Variants in SSBP4 observed in about 807,000 individuals in gnomAD.
SSBP4 encodes single-stranded DNA-binding protein 4.
SSBP4 carries 33 observed loss-of-function variants against 64.6 expected under a neutral mutation model. That is an observed-to-expected ratio of 0.51 (90% confidence interval 0.39 to 0.68). The LOEUF is 0.68. Among genes scored for constraint, SSBP4 ranks in the 30% least tolerant of loss-of-function variants. The pLI, the probability that SSBP4 is intolerant of heterozygous loss-of-function variation, is 0.00. For synonymous variants in SSBP4, 243 were observed against 224.0 expected, an observed-to-expected ratio of 1.08 and a Z score of -0.76; for missense variants, 583 against 566.8, an observed-to-expected ratio of 1.03 and a Z score of -0.29.
In SSBP4 at chr19:18,423,421, C is replaced by T. The variant is rs1214697624; in HGVS notation, c.59+3714C>T. ...ACTTTGCCAAGAAGCTGCCAGAGGC[C>T]TGGCCTTTAGGGTTGGCAGAGGGGA... On this transcript the variant is annotated intron_variant, in intron 1 of 17. Transcript: ENST00000270061. This position sits in a 1 kb window ranked among gnomAD's most constrained non-coding sequence, Gnocchi z 4.0. Among the ~76,000 whole-genome samples the T allele has an allele frequency of 6.6e-6, 1 of 152,094 alleles. No homozygotes were observed. Among genetic ancestry groups the T allele is most frequent in the Non-Finnish European group, 1.5e-5 (1 of 68,026 alleles).
intron 5 of SSBP4, among the ~76,000 whole-genome samples, 159 bp from the exon 6 acceptor site, chr19:18,431,192 TCC>T (rs1973343010): frequency 1.9e-5 from 1 of 52,026 alleles, no homozygotes; most frequent in African/African-American, 2.1e-4. Flanking sequence ...GCCACAGTGG[TCC>T]TGGTGACCAC....
At chr19:18,417,814 T>C (rs2144657742), upstream of SSBP4, among the ~76,000 whole-genome samples, 1 of 152,010 alleles carries the variant, frequency 6.6e-6, no homozygotes, top group East Asian at 1.9e-4. The surrounding 1 kb of genome is among the most constrained non-coding windows in gnomAD (Gnocchi z 5.4). Context: ...TGCCCTTCCC[T>C]TCCTCTCCGC....
chr19:18,431,260 G>A lies in SSBP4; in HGVS notation c.370-93G>A, dbSNP rs529113394. 124 of 613,492 alleles carry A rather than the reference G, an allele frequency of 2.0e-4. 1 individual carries two copies. Among genetic ancestry groups the A allele is most frequent in the African/African-American group, 6.9e-4 (37 of 53,266 alleles). 38.0% of individuals were successfully genotyped at this position (613,492 alleles called of 1,614,324 possible). On this transcript the variant is annotated intron_variant, in intron 5 of 17. Coordinates refer to ENST00000270061, the MANE Select transcript of SSBP4 (RefSeq NM_032627.5). The stretch of plus-strand genomic sequence containing the variant: ...CACAAGGTCCCTGTCCCACAGGCTG[G>A]CCCACCCCTCTGCCTCCATGGAGCC...
In SSBP4 at chr19:18,431,628, C is replaced by G. The variant is rs1473928697; in HGVS notation, c.436-19C>G. On this transcript the variant is annotated intron_variant, in intron 6 of 17. Transcript: ENST00000270061. ...CCAGAGGGTGGGGGAAGGTGCTGATCCCCGCCCACCTCTTCCAGCCCTTCA... is the reference window on the plus strand; with the variant it reads ...CCAGAGGGTGGGGGAAGGTGCTGATGCCCGCCCACCTCTTCCAGCCCTTCA... 6.5e-7 allele frequency: 1 copy of G among 1,537,612 alleles called. No homozygotes were observed. Among genetic ancestry groups the G allele is most frequent in the East Asian group, 2.5e-5 (1 of 40,640 alleles).
At chr19:18,428,934 C>T (rs34746918) in intron 4 of SSBP4, among the ~76,000 whole-genome samples, 65,483 of 152,084 alleles carry the variant, frequency 0.43, 15,689 homozygotes, top group African/African-American at 0.65. Flanking sequence ...GCGACTCTGC[C>T]CCCATCCCTG....
rs749918527 is a variant in SSBP4 at position 18,431,956 on chromosome 19, G to A, written c.566-44G>A. 3.9e-6 allele frequency: 6 copies of A among 1,555,176 alleles called. No homozygotes were observed. In the East Asian group the frequency reaches 1.1e-4, roughly 29 times the overall value. On this transcript the variant is annotated intron_variant, in intron 8 of 17. Coordinates refer to ENST00000270061, the MANE Select transcript of SSBP4 (RefSeq NM_032627.5). Reference sequence around the variant, plus strand: ...GCTGCCTCCCCACTGTCCACACTGGGGAATGGTCCAGGTCCAAGTCCCCTT... The same window carrying A: ...GCTGCCTCCCCACTGTCCACACTGGAGAATGGTCCAGGTCCAAGTCCCCTT...
At position 18,427,915 on chromosome 19, in the gene SSBP4, A is replaced by T; in HGVS notation, c.212A>T (p.Tyr71Phe). 6.2e-7 allele frequency: 1 copy of T among 1,613,820 alleles called. No individual in the cohort carries two copies. Among genetic ancestry groups the T allele is most frequent in the Non-Finnish European group, 8.5e-7 (1 of 1,179,916 alleles). The change falls in exon 4 of 18, where the codon TAC (tyrosine) becomes TTC (phenylalanine). Residue 71 changes from tyrosine to phenylalanine, a missense_variant. Tyr to Phe is a conservative substitution (Grantham distance 22). Coordinates refer to ENST00000270061, the MANE Select transcript of SSBP4 (RefSeq NM_032627.5). The surrounding 1 kb of genome is among the most constrained non-coding windows in gnomAD (Gnocchi z 4.4). ...HSWWCVFWDLYCAAPDRREAC... is the reference protein window; with the variant it reads ...HSWWCVFWDLFCAAPDRREAC... ...GCCCACAGCGTCTTCTGGGACCTGT[A>T]CTGCGCGGCGCCTGACAGAAGAGAG... is the stretch of plus-strand genomic sequence containing the variant.
At position 18,432,579 on chromosome 19, in the gene SSBP4, C is replaced by A; in HGVS notation, c.725C>A (p.Pro242Gln). The A allele has an allele frequency of 7.6e-7, 1 of 1,313,102 alleles. No individual in the cohort carries two copies. Among genetic ancestry groups the A allele is most frequent in the Admixed American group, 2.2e-5 (1 of 45,256 alleles). The allele number at this position is 1,313,102 out of a possible 1,614,324, so 81.3% of individuals were successfully genotyped here. A position where few individuals can be genotyped will look rare whatever the true frequency, so the allele number is the denominator to read the frequency against. ...AMNMGPGVRG[P>Q]WASPSGNSIP... Reference sequence around the variant, plus strand: ...TCCAGGGGCCCAGGAGTTCGTGGCCCGTGGGCCAGCCCCAGTGGAAACTCG... The same window carrying A: ...TCCAGGGGCCCAGGAGTTCGTGGCCAGTGGGCCAGCCCCAGTGGAAACTCG... The change falls in exon 11 of 18, where the codon CCG (proline) becomes CAG (glutamine). Residue 242 changes from proline to glutamine, a missense_variant. Transcript: ENST00000270061.
the SSBP4 span, among the ~76,000 whole-genome samples, chr19:18,413,813 T>C: frequency 3.3e-5 from 5 of 151,802 alleles, no homozygotes; most frequent in Admixed American, 3.3e-4. Flanking sequence ...AGTCGGGAGT[T>C]CAAGACCAGC....
At position 18,434,211 on chromosome 19, in the gene SSBP4, C is replaced by T. The variant is rs1398928056; in HGVS notation, c.1129-6C>T. On this transcript the variant is annotated splice_region_variant and splice_polypyrimidine_tract_variant and intron_variant, in intron 17 of 17. Transcript: ENST00000270061. ...CCCTGCGCGCTGCCCCCTCCTCTCT[C>T]CGCAGTACTCGCCAGGGATGACCAT... 1.9e-6 allele frequency: 3 copies of T among 1,611,930 alleles called. No homozygotes were observed. The highest frequency in any genetic ancestry group is 2.5e-6 in the Non-Finnish European group (3 of 1,179,574).
intron 15 of SSBP4, 173 bp downstream of exon 15, chr19:18,433,386 C>T: frequency 7.9e-7 from 1 of 1,273,008 alleles, no homozygotes. Context: ...GATCCAGCGA[C>T]CAAACCAGAG....
chr19:18,433,421 C>A (rs554853052), intron 15 of SSBP4, 164 bp from the exon 16 acceptor site: 9 of 1,346,544 alleles, frequency 6.7e-6, no homozygotes, highest in South Asian at 5.0e-5. Flanking sequence ...CCCTCCCCCC[C>A]AGGCCCAACC....
At chr19:18,405,068 A>G in the SSBP4 span, among the ~76,000 whole-genome samples, 1 of 149,466 alleles carries the variant, frequency 6.7e-6, no homozygotes, top group Non-Finnish European at 1.5e-5. Context: ...CAACCCCATC[A>G]CCACATTCAC....
At chr19:18,419,860 C>T (rs1253285958) in intron 1 of SSBP4, among the ~76,000 whole-genome samples, 153 bp downstream of exon 1, 1 of 109,876 alleles carries the variant, frequency 9.1e-6, no homozygotes, top group Non-Finnish European at 2.0e-5. Context: ...GGCGCGCGAC[C>T]CCCGAGGGGC....
chr19:18,406,312 C>G, the SSBP4 span, among the ~76,000 whole-genome samples: 1 of 150,674 alleles, frequency 6.6e-6, no homozygotes. Flanking sequence ...GCCACCATGC[C>G]CAGCTATTAT....
the SSBP4 span, among the ~76,000 whole-genome samples, chr19:18,406,089 G>A: frequency 6.6e-6 from 1 of 151,186 alleles, no homozygotes; most frequent in Non-Finnish European, 1.5e-5. Flanking sequence ...TGATCCTCCT[G>A]CCTCAGCCTC....
chr19:18,424,029 G>A (rs73923113), intron 1 of SSBP4, among the ~76,000 whole-genome samples: 2,391 of 152,302 alleles, frequency 0.016, 60 homozygotes, highest in African/African-American at 0.054. Flanking sequence ...CTCCCTGGCC[G>A]AACAGCCAGG....
intron 4 of SSBP4, among the ~76,000 whole-genome samples, chr19:18,430,197 G>A (rs1195016706): frequency 3.3e-5 from 5 of 152,054 alleles, no homozygotes; most frequent in Non-Finnish European, 7.4e-5. Flanking sequence ...CTCATAGACT[G>A]GGCCTCCCTT....
At chr19:18,433,368 T>C in intron 15 of SSBP4, 155 bp downstream of exon 15, 2 of 1,265,474 alleles carry the variant, frequency 1.6e-6, no homozygotes, top group Non-Finnish European at 2.2e-6. Flanking sequence ...TGCCCCGAGC[T>C]GGAGGGGGAT....
Sources: allele counts gnomAD v4.1 joint callset (sites outside exome capture counted in the v4.1 genomes callset), GRCh38; gene constraint gnomAD v4.1.1; non-coding constraint Gnocchi (gnomAD v3.1); transcripts MANE v1.5; gene names NCBI Gene and HGNC (gene_info 2026-07-23, HGNC 2026-07-21).